TNXB: variants seen among roughly 807,000 people sequenced by gnomAD.
TNXB encodes tenascin XB.
In TNXB, 183 loss-of-function variants were observed where a neutral mutation model predicts 340.5. The observed-to-expected ratio is 0.54, with a 90% CI of 0.48 to 0.61. The LOEUF is 0.61. TNXB is among the 20% of genes least tolerant of loss of function. TNXB has a pLI of 0.00. For missense variants in TNXB, 4,613 were observed against 5,446.4 expected (o/e 0.85, Z 4.82); for synonymous variants, 2,121 against 2,314.5 (o/e 0.92, Z 2.40).
chr6:32,070,459 CTTGACTGCCT>C lies in TNXB; in HGVS notation c.4991-55_4991-46del. On this transcript the variant is annotated intron_variant, in intron 13 of 43. Coordinates refer to ENST00000644971, the MANE Select transcript of TNXB (RefSeq NM_001365276.2). This position sits in a 1 kb window ranked among gnomAD's most constrained non-coding sequence, Gnocchi z 6.0. ...GTGTTTATTTTTTCCAAAACGACTC[CTTGACTGCCT>C]CCCTCTGGGGCTGGAAAAACCCAGA... 1 of 1,504,606 alleles carries C rather than the reference CTTGACTGCCT, an allele frequency of 6.6e-7. No homozygotes were observed. The highest frequency in any genetic ancestry group is 8.9e-7 in the Non-Finnish European group (1 of 1,123,114). 93.2% of individuals were successfully genotyped at this position (1,504,606 alleles called of 1,614,324 possible). A position where few individuals can be genotyped will look rare whatever the true frequency, so the allele number is the denominator to read the frequency against.
rs944076244 is a variant in TNXB at position 32,074,932 on chromosome 6, G to A, written c.4376-980C>T. ...CGACCTCAGGTGATCCGCCCGCCTCGGCCTCCCCAAGTGCTGGGATTACAG... is the reference window on the plus strand; with the variant it reads ...CGACCTCAGGTGATCCGCCCGCCTCAGCCTCCCCAAGTGCTGGGATTACAG... On this transcript the variant is annotated intron_variant, in intron 11 of 43. Transcript: ENST00000644971. The surrounding 1 kb of genome is among the most constrained non-coding windows in gnomAD (Gnocchi z 5.5). 6.6e-5 allele frequency among the ~76,000 whole-genome samples: 10 copies of A among 152,050 alleles called. No homozygotes were observed. The highest frequency in any genetic ancestry group is 1.9e-4 in the East Asian group (1 of 5,190).
Position 32,079,398 on chromosome 6 carries a change from T to C in TNXB, c.4043-33A>G, listed in dbSNP as rs762986817. On this transcript the variant is annotated intron_variant, in intron 10 of 43. Transcript: ENST00000644971. The surrounding 1 kb of genome is among the most constrained non-coding windows in gnomAD (Gnocchi z 7.1). ...AAGAGATAGAGGCATAAAGGGCTGCTGGCTTTGCTGCTGCTGCCCACAGAT... is the reference window on the plus strand; with the variant it reads ...AAGAGATAGAGGCATAAAGGGCTGCCGGCTTTGCTGCTGCTGCCCACAGAT... 6.5e-7 allele frequency: 1 copy of C among 1,526,920 alleles called. No homozygotes were observed. Among genetic ancestry groups the C allele is most frequent in the African/African-American group, 1.4e-5 (1 of 72,482 alleles). The allele number at this position is 1,526,920 out of a possible 1,614,324, so 94.6% of individuals were successfully genotyped here.
chr6:32,095,021 C>T (rs1780250031), intron 4 of TNXB, 55 bp downstream of exon 4: 6 of 1,425,534 alleles, frequency 4.2e-6, no homozygotes, highest in Non-Finnish European at 5.8e-6. Context: ...GAGGTGAGCC[C>T]TGCCCCCCTG....
intron 31 of TNXB, chr6:32,045,723 T>C (rs2072629): frequency 0.096 from 95,957 of 1,002,486 alleles, 174 homozygotes; most frequent in South Asian, 0.22. Flanking sequence ...CAGCGAGCTC[T>C]GGAAGAGGAG....
rs904631168 is a variant in TNXB, at chr6:32,079,163, C to T, written c.4245G>A (p.Ala1415=). ...CACTCTCCTTGCCCCCAACACGCACCGCCCGGGGCCGCCCATCCCTGTCCT... is the reference window on the plus strand; with the variant it reads ...CACTCTCCTTGCCCCCAACACGCACTGCCCGGGGCCGCCCATCCCTGTCCT... ...QYKDRDGRPR[A]VRVGGKESEV... is the part of the protein sequence containing the mutation. Residue 1415 remains alanine (A), a synonymous_variant, in exon 11 of 44, where the codon GCG becomes GCA. Coordinates refer to ENST00000644971, the MANE Select transcript of TNXB (RefSeq NM_001365276.2). This position sits in a 1 kb window ranked among gnomAD's most constrained non-coding sequence, Gnocchi z 7.1. 15 of 1,613,728 alleles carry T rather than the reference C, an allele frequency of 9.3e-6. No homozygotes were observed. Among genetic ancestry groups the T allele is most frequent in the East Asian group, 6.7e-5 (3 of 44,902 alleles).
Position 32,053,407 on chromosome 6 carries a change from G to C in TNXB, c.8772C>G (p.Ile2924Met). 1 of 1,612,558 alleles carries C rather than the reference G, an allele frequency of 6.2e-7. No individual in the cohort carries two copies. The highest frequency in any genetic ancestry group is 8.5e-7 in the Non-Finnish European group (1 of 1,179,740). The part of the protein sequence containing the change: ...GFHGGQRVGP[I>M]SVIGVTAAEE... The stretch of plus-strand genomic sequence containing the variant: ...ACTCACCTGTCACCCCAATGACAGA[G>C]ATGGGGCCCACGCGCTGGCCACCGT... The change falls in exon 25 of 44, where the codon ATC becomes ATG. Residue 2924 changes from isoleucine (I) to methionine (M), a missense_variant. Physicochemically the swap from Ile to Met is conservative, Grantham distance 10 (BLOSUM62 1). Coordinates refer to ENST00000644971, the MANE Select transcript of TNXB (RefSeq NM_001365276.2).
At position 32,042,360 on chromosome 6, in the gene TNXB, C is replaced by A. The variant is rs759887297; in HGVS notation, c.12213G>T (p.Val4071=). Residue 4071 remains valine, a splice_region_variant and synonymous_variant, in exon 41 of 44, where the codon GTG becomes GTT. Coordinates refer to ENST00000644971, the MANE Select transcript of TNXB (RefSeq NM_001365276.2). ...DMETDGGGWL[V]FQRRMDGQTD... is the part of the protein sequence containing the mutation. ...TCTGTCCATCCATGCGGCGCTGGAACACCTGGGAAGCAAGTGGGGGCACCA... is the reference window on the plus strand; with the variant it reads ...TCTGTCCATCCATGCGGCGCTGGAAAACCTGGGAAGCAAGTGGGGGCACCA... 7 of 1,580,702 alleles carry A rather than the reference C, an allele frequency of 4.4e-6. No individual in the cohort carries two copies.
intron 11 of TNXB, among the ~76,000 whole-genome samples, chr6:32,078,127 GAA>G (rs1241315390): frequency 6.8e-6 from 1 of 146,832 alleles, no homozygotes; most frequent in African/African-American, 2.5e-5. Flanking sequence ...AAGAAAGAAA[GAA>G]AGAAAAAGAG....
rs922286604 is a variant in TNXB at position 32,058,183 on chromosome 6, C to T, written c.7700G>A (p.Arg2567His). 17 of 1,612,456 alleles carry T rather than the reference C, an allele frequency of 1.1e-5. No individual in the cohort carries two copies. Among genetic ancestry groups the T allele is most frequent in the East Asian group, 4.5e-5 (2 of 44,880 alleles). ...KDRDGRPQAV[R>H]VGGQESKVTV... ...GACCTTGCTCTCCTGGCCCCCAACA[C>T]GCACCGCCTGGGGCCGCCCGTCCCT... Residue 2567 changes from arginine to histidine, a missense_variant, in exon 22 of 44, where the codon CGT becomes CAT. Physicochemically the swap from Arg to His is conservative, Grantham distance 29. This residue lies in a region of TNXB where 4,327 missense variants were observed against 4,859.4 expected (regional missense o/e 0.89). Coordinates refer to ENST00000644971, the MANE Select transcript of TNXB (RefSeq NM_001365276.2). This position sits in a 1 kb window ranked among gnomAD's most constrained non-coding sequence, Gnocchi z 5.1.
Position 32,043,273 on chromosome 6 carries a change from G to C in TNXB, c.11696C>G (p.Pro3899Arg). The C allele has an allele frequency of 3.2e-6, 1 of 310,826 alleles. No homozygotes were observed. The highest frequency in any genetic ancestry group is 5.5e-6 in the Non-Finnish European group (1 of 181,208). The allele number at this position is 310,826 out of a possible 1,614,324, so 19.3% of individuals were successfully genotyped here. Residue 3899 changes from proline to arginine, a missense_variant, in exon 37 of 44, where the codon CCC becomes CGC. Physicochemically the swap from Pro to Arg is moderately radical, Grantham distance 103. Transcript: ENST00000644971. ...AETPGSAVDYPLHDLVLHTNY... is the reference protein window; with the variant it reads ...AETPGSAVDYRLHDLVLHTNY... ...GGTGTGGAGGACAAGGTCATGCAGG[G>C]GGTAGTCCACCGCGCTGCCTGGGGT...
rs751223377 is a variant in TNXB at position 32,067,999 on chromosome 6, G to C, written c.6221-15C>G. The C allele has an allele frequency of 1.2e-6, 2 of 1,608,098 alleles. No homozygotes were observed. Among genetic ancestry groups the C allele is most frequent in the Non-Finnish European group, 1.7e-6 (2 of 1,176,684 alleles). ...TTCCTCTGCAGCTGAGAAGGAGGAA[G>C]AGAGAGTGAGGGGGATGTCCTTGGG... On this transcript the variant is annotated splice_polypyrimidine_tract_variant and intron_variant, in intron 17 of 43. Coordinates refer to ENST00000644971, the MANE Select transcript of TNXB (RefSeq NM_001365276.2). The surrounding 1 kb of genome is among the most constrained non-coding windows in gnomAD (Gnocchi z 4.2).
rs116623377 is a variant in TNXB, at chr6:32,061,247, C to T, written c.7492+150G>A. The stretch of plus-strand genomic sequence containing the variant: ...GCCACGCCAAAGTGAACAAGCAAAC[C>T]GCTAGCATAGGCCACAGCCACAGGG... On this transcript the variant is annotated intron_variant, in intron 21 of 43. Transcript: ENST00000644971. The surrounding 1 kb of genome is among the most constrained non-coding windows in gnomAD (Gnocchi z 4.4). The T allele has an allele frequency of 5.7e-4, 718 of 1,250,260 alleles. 15 individuals carry two copies. In the African/African-American group the frequency reaches 6.6e-3, roughly 12 times the overall value. 77.4% of individuals were successfully genotyped at this position (1,250,260 alleles called of 1,614,324 possible).
rs745855356 is a variant in TNXB, at chr6:32,049,484, C to A, written c.9543G>T (p.Ser3181=). 5.6e-6 allele frequency: 9 copies of A among 1,612,412 alleles called. No individual in the cohort carries two copies. The highest frequency in any genetic ancestry group is 7.6e-6 in the Non-Finnish European group (9 of 1,179,848). ...ELTVTGSSPD[S]LSLSWTVPQG... ...GGGGGACGGTCCAGGAGAGGCTCAG[C>A]GAGTCAGGGGAGGATCCTGTCACTG... The change falls in exon 28 of 44, where the codon TCG becomes TCT. Residue 3181 remains serine, a synonymous_variant. Transcript: ENST00000644971. The surrounding 1 kb of genome is among the most constrained non-coding windows in gnomAD (Gnocchi z 4.5).
intron 3 of TNXB, 140 bp from the exon 4 acceptor site, chr6:32,095,331 G>T: frequency 1.4e-6 from 1 of 726,216 alleles, no homozygotes; most frequent in South Asian, 1.8e-5. Flanking sequence ...CTGACAGAGG[G>T]CTGAACGGGG....
chr6:32,098,901 C>T (rs1371201381), intron 1 of TNXB, among the ~76,000 whole-genome samples: 1 of 152,228 alleles, frequency 6.6e-6, no homozygotes, highest in Non-Finnish European at 1.5e-5. Flanking sequence ...CTGGCTCCAT[C>T]TTCAAATCTT....
chr6:32,076,811 G>A (rs1779104310), intron 11 of TNXB, among the ~76,000 whole-genome samples: 1 of 151,974 alleles, frequency 6.6e-6, no homozygotes, highest in Non-Finnish European at 1.5e-5. Context: ...GTGAAACCCT[G>A]TCTCTACTAA....
In TNXB at chr6:32,080,910, T is replaced by C. The variant is rs1779389521; in HGVS notation, c.4042+458A>G. On this transcript the variant is annotated intron_variant, in intron 10 of 43. Transcript: ENST00000644971. The surrounding 1 kb of genome is among the most constrained non-coding windows in gnomAD (Gnocchi z 4.3). The stretch of plus-strand genomic sequence containing the variant: ...CAAAAAGGCTAGAGAAACGTGGTGC[T>C]CTTGTCACTTGGATCTGCCACCTCT... Among the ~76,000 whole-genome samples, 1 of 152,134 alleles carries C rather than the reference T, an allele frequency of 6.6e-6. No homozygotes were observed. Among genetic ancestry groups the C allele is most frequent in the African/African-American group, 2.4e-5 (1 of 41,406 alleles).
At chr6:32,104,502 T>C (rs1337492211) in intron 1 of TNXB, among the ~76,000 whole-genome samples, 2 of 152,224 alleles carry the variant, frequency 1.3e-5, no homozygotes, top group African/African-American at 2.4e-5. Flanking sequence ...AAGGCTACCA[T>C]ATTTCCTTGT....
chr6:32,072,937 G>A lies in TNXB; in HGVS notation c.4682-639C>T, dbSNP rs1238293840. ...TTGCACTCCAGCCTGGATGACAAGA[G>A]CAAAACTCCATCTCAAAAATAAAAA... On this transcript the variant is annotated intron_variant, in intron 12 of 43. Coordinates refer to ENST00000644971, the MANE Select transcript of TNXB (RefSeq NM_001365276.2). The surrounding 1 kb of genome is among the most constrained non-coding windows in gnomAD (Gnocchi z 4.4). Among the ~76,000 whole-genome samples the A allele has an allele frequency of 2.0e-5, 3 of 152,228 alleles. No homozygotes were observed. The highest frequency in any genetic ancestry group is 4.4e-5 in the Non-Finnish European group (3 of 68,042).
Sources: gnomAD v4.1 joint callset for allele counts (sites outside exome capture counted in the v4.1 genomes callset) on GRCh38, gnomAD v4.1.1 for gene constraint, gnomAD v4.1.1 regional missense constraint, Gnocchi (gnomAD v3.1) non-coding constraint, MANE v1.5 for transcripts, NCBI Gene and HGNC (gene_info 2026-07-23, HGNC 2026-07-21) for gene names.